CRYL1: variants seen among roughly 807,000 people sequenced by gnomAD.
The protein encoded by CRYL1 is crystallin lambda 1.
CRYL1 carries 29 observed loss-of-function variants against 36.6 expected under a neutral mutation model. The ratio of observed to expected loss-of-function variants is 0.79; its 90% CI spans 0.59 to 1.08. The LOEUF (loss-of-function observed/expected upper bound fraction) is 1.08. Among genes scored for constraint, CRYL1 ranks in the 50% least tolerant of loss-of-function variants. CRYL1 has a pLI of 0.00. For synonymous variants in CRYL1, 152 were observed against 151.5 expected (o/e 1.00, Z -0.02); for missense variants, 411 against 407.9 (o/e 1.01, Z -0.06).
At chr13:20,468,002 G>A (rs550542321) in intron 3 of CRYL1, among the ~76,000 whole-genome samples, 1 of 152,082 alleles carries the variant, frequency 6.6e-6, no homozygotes, top group African/African-American at 2.4e-5. Flanking sequence ...CTCTCCTCAT[G>A]AGAATCTTAC....
rs1272363222 is a variant in CRYL1, at chr13:20,413,393, T to G, written c.634-6A>C. 1 of 1,580,278 alleles carries G rather than the reference T, an allele frequency of 6.3e-7. No homozygotes were observed. Among genetic ancestry groups the G allele is most frequent in the Non-Finnish European group, 8.7e-7 (1 of 1,151,994 alleles). ...CTAGGAGACACGATTCCTTCCTACG[T>G]GGAGAAATTGGGCGGCATAGATGAG... is the stretch of plus-strand genomic sequence containing the variant. On this transcript the variant is annotated splice_polypyrimidine_tract_variant and splice_region_variant and intron_variant, in intron 5 of 7. Coordinates refer to ENST00000298248, the MANE Select transcript of CRYL1 (RefSeq NM_015974.3).
chr13:20,460,258 TGTGTGTG>T (rs2032779516), intron 3 of CRYL1, among the ~76,000 whole-genome samples: 1 of 152,150 alleles, frequency 6.6e-6, no homozygotes, highest in African/African-American at 2.4e-5. Context: ...TATGTATATG[TGTGTGTG>T]TATATACATA....
chr13:20,433,198 G>A (rs1187423303), intron 4 of CRYL1, among the ~76,000 whole-genome samples: 1 of 152,160 alleles, frequency 6.6e-6, no homozygotes, highest in Non-Finnish European at 1.5e-5. Context: ...GCATTGTCCA[G>A]GTGAGCATGC....
chr13:20,495,344 TACTG>T (rs1467186782), intron 2 of CRYL1, among the ~76,000 whole-genome samples: 1 of 152,196 alleles, frequency 6.6e-6, no homozygotes, highest in Non-Finnish European at 1.5e-5. Context: ...GGACTCAAAA[TACTG>T]GCTCCTAACC....
chr13:20,511,732 G>A (rs189292017), intron 2 of CRYL1, among the ~76,000 whole-genome samples: 15 of 152,302 alleles, frequency 9.8e-5, no homozygotes, highest in Admixed American at 3.3e-4. Context: ...CGCGCCATGC[G>A]GTGAGGGTGC....
Position 20,489,420 on chromosome 13 carries a change from T to G in CRYL1, c.226A>C (p.Ser76Arg), listed in dbSNP as rs1031554215. 1 of 1,613,706 alleles carries G rather than the reference T, an allele frequency of 6.2e-7. No homozygotes were observed. The highest frequency in any genetic ancestry group is 8.5e-7 in the Non-Finnish European group (1 of 1,180,026). ...LSVEEQLSLI[S>R]GCPNIQEAVE... Reference sequence around the variant, plus strand: ...GCTTCTTGGATATTGGGACAACCACTGATGAGTGACAGCTGCTCTTCCACA... The same window carrying G: ...GCTTCTTGGATATTGGGACAACCACGGATGAGTGACAGCTGCTCTTCCACA... Residue 76 changes from serine to arginine, a missense_variant, in exon 3 of 8, where the codon AGT (serine) becomes CGT (arginine). Coordinates refer to ENST00000298248, the MANE Select transcript of CRYL1 (RefSeq NM_015974.3).
rs144246010 is a variant in CRYL1 at position 20,521,614 on chromosome 13, G to A, written c.41+4140C>T. On this transcript the variant is annotated intron_variant, in intron 1 of 7. Coordinates refer to ENST00000298248, the MANE Select transcript of CRYL1 (RefSeq NM_015974.3). ...ATGCCCTTCCCACTGTGACTATTGC[G>A]ACATGTCTTAAAGCTTCTGAATTCA... 2.0e-3 allele frequency among the ~76,000 whole-genome samples: 302 copies of A among 152,256 alleles called. 1 individual carries two copies. Among genetic ancestry groups the A allele is most frequent in the African/African-American group, 6.9e-3 (288 of 41,534 alleles).
intron 5 of CRYL1, chr13:20,426,953 G>A: frequency 1.0e-6 from 1 of 985,582 alleles, no homozygotes; most frequent in East Asian, 1.1e-4. Context: ...AGAACCCAAG[G>A]TCAGCAATTT....
intron 3 of CRYL1, among the ~76,000 whole-genome samples, chr13:20,441,026 C>T (rs2032340501): frequency 6.6e-6 from 1 of 152,174 alleles, no homozygotes; most frequent in Admixed American, 6.5e-5. Context: ...AAGAGCTGCT[C>T]TGACACTTTG....
intron 3 of CRYL1, among the ~76,000 whole-genome samples, chr13:20,465,946 GA>G (rs71198984): frequency 0.39 from 52,670 of 134,028 alleles, 10,483 homozygotes; most frequent in African/African-American, 0.52. Flanking sequence ...AGAGCTGGTT[GA>G]AAAAAAAAAA....
chr13:20,471,395 G>A (rs1405894769), intron 3 of CRYL1, among the ~76,000 whole-genome samples: 1 of 152,074 alleles, frequency 6.6e-6, no homozygotes, highest in African/African-American at 2.4e-5. Context: ...ACACGGTGAA[G>A]TGTTAGTTTT....
At chr13:20,433,479 T>C (rs558521560) in intron 4 of CRYL1, among the ~76,000 whole-genome samples, 56 of 152,154 alleles carry the variant, frequency 3.7e-4, no homozygotes, top group Non-Finnish European at 7.2e-4. Flanking sequence ...CATTTAAAGA[T>C]GACTCCCACA....
chr13:20,430,991 G>A (rs2032045791), intron 5 of CRYL1: 1 of 985,250 alleles, frequency 1.0e-6, no homozygotes, highest in Admixed American at 6.2e-5. Flanking sequence ...GAAAATACAG[G>A]AGCCTTAAGT....
intron 3 of CRYL1, among the ~76,000 whole-genome samples, chr13:20,448,686 A>G (rs1207677974): frequency 6.6e-6 from 1 of 152,224 alleles, no homozygotes; most frequent in Non-Finnish European, 1.5e-5. Context: ...AAAAAAAACT[A>G]TCAACTTAGA....
intron 5 of CRYL1, among the ~76,000 whole-genome samples, chr13:20,422,040 T>C (rs1418745057): frequency 1.3e-5 from 2 of 151,912 alleles, no homozygotes; most frequent in Non-Finnish European, 2.9e-5. Flanking sequence ...GTCTACTTCT[T>C]ATGGAAAATT....
chr13:20,496,861 A>AAAAG (rs2033613823), intron 2 of CRYL1, among the ~76,000 whole-genome samples: 1 of 150,992 alleles, frequency 6.6e-6, no homozygotes, highest in African/African-American at 2.4e-5. Context: ...AAAAAAAAAA[A>AAAAG]GTGTAGGCCC....
intron 3 of CRYL1, among the ~76,000 whole-genome samples, chr13:20,479,014 G>A (rs773912331): frequency 3.0e-4 from 46 of 151,598 alleles, no homozygotes; most frequent in Non-Finnish European, 6.3e-4. Context: ...CCCCGACCTC[G>A]GCCTCCCCAA....
chr13:20,409,088 G>A (rs2031453559), intron 6 of CRYL1, among the ~76,000 whole-genome samples: 2 of 152,106 alleles, frequency 1.3e-5, no homozygotes, highest in South Asian at 4.1e-4. Context: ...CACACTACCT[G>A]ACTTCAAGCT....
chr13:20,499,668 G>A (rs1593489442), intron 2 of CRYL1, among the ~76,000 whole-genome samples: 2 of 152,162 alleles, frequency 1.3e-5, no homozygotes, highest in East Asian at 3.9e-4. Context: ...AAAAAAAAAT[G>A]TAGGAAGCAT....
Sources: gnomAD v4.1 joint callset for allele counts (sites outside exome capture counted in the v4.1 genomes callset) on GRCh38, gnomAD v4.1.1 for gene constraint, MANE v1.5 for transcripts, NCBI Gene and HGNC (gene_info 2026-07-23, HGNC 2026-07-21) for gene names.